The following RBFOX1 variants were observed in gnomAD, a reference collection of about 807,000 sequenced individuals.
The protein encoded by RBFOX1 is RNA binding fox-1 homolog 1, also known as RNA binding protein fox-1 homolog 1.
A neutral mutation model predicts 57.7 loss-of-function variants in RBFOX1; 8 were observed. The observed-to-expected ratio is 0.14, with a 90% CI of 0.08 to 0.25. The LOEUF (loss-of-function observed/expected upper bound fraction) is 0.25. RBFOX1 is among the 10% of genes least tolerant of loss of function. RBFOX1 has a pLI of 1.00. For missense variants in RBFOX1, 611 were observed against 548.5 expected, an observed-to-expected ratio of 1.11 and a Z score of -1.14; for synonymous variants, 326 against 222.4, an observed-to-expected ratio of 1.47 and a Z score of -4.15.
rs57991456 is a variant in RBFOX1, at chr16:5,827,019, C to T, written c.319-40284C>T. On this transcript the variant is annotated intron_variant, in intron 3 of 19. Transcript: ENST00000641259. The stretch of plus-strand genomic sequence containing the variant: ...CACCATCTCCCAGAGAAGCCTATCT[C>T]TTCGTTGGAGCATCCTTGACTCTAC... 3.0e-3 allele frequency among the ~76,000 whole-genome samples: 452 copies of T among 152,288 alleles called. 3 individuals are homozygous for T. Among genetic ancestry groups the T allele is most frequent in the African/African-American group, 0.01 (429 of 41,558 alleles).
At chr16:5,446,211 T>G (rs2068234768) in intron 1 of RBFOX1, among the ~76,000 whole-genome samples, 1 of 152,096 alleles carries the variant, frequency 6.6e-6, no homozygotes, top group African/African-American at 2.4e-5. Context: ...GACACCCACA[T>G]GGAGACATTT....
chr16:6,105,483 C>T (rs2096367338), intron 1 of RBFOX1, among the ~76,000 whole-genome samples: 1 of 152,088 alleles, frequency 6.6e-6, no homozygotes, highest in Admixed American at 6.6e-5. Flanking sequence ...TTAAGACTGG[C>T]ATTCTAGAAA....
intron 3 of RBFOX1, among the ~76,000 whole-genome samples, chr16:5,765,318 A>C (rs7199938): frequency 0.052 from 7,919 of 152,304 alleles, 611 homozygotes; most frequent in African/African-American, 0.17. Context: ...TAAAAGGTCA[A>C]GTTCAATCAA....
At chr16:7,393,698 C>G (rs996172206) in intron 4 of RBFOX1, among the ~76,000 whole-genome samples, 1 of 152,148 alleles carries the variant, frequency 6.6e-6, no homozygotes, top group Non-Finnish European at 1.5e-5. Context: ...TTCACTGAGT[C>G]TTATCCCCAC....
chr16:5,928,936 G>A (rs969713460), intron 4 of RBFOX1, among the ~76,000 whole-genome samples: 1 of 151,810 alleles, frequency 6.6e-6, no homozygotes, highest in Non-Finnish European at 1.5e-5. Flanking sequence ...TCGCAATGTG[G>A]CTGCAGGGAT....
chr16:7,360,867 G>A (rs1342618207), intron 4 of RBFOX1, among the ~76,000 whole-genome samples: 1 of 152,186 alleles, frequency 6.6e-6, no homozygotes, highest in Non-Finnish European at 1.5e-5. Flanking sequence ...AGGTCACCTT[G>A]ACATCTTCGA....
chr16:5,771,202 A>C (rs2053965711), intron 3 of RBFOX1, among the ~76,000 whole-genome samples: 1 of 152,260 alleles, frequency 6.6e-6, no homozygotes, highest in African/African-American at 2.4e-5. Flanking sequence ...CCATAGGCAG[A>C]TAGCATTTGT....
At chr16:7,701,986 G>C (rs1316591652) in intron 14 of RBFOX1, among the ~76,000 whole-genome samples, 1 of 152,182 alleles carries the variant, frequency 6.6e-6, no homozygotes, top group East Asian at 1.9e-4. Context: ...GTAGGGCAGA[G>C]GTGGGGTGGT....
chr16:5,569,438 C>CTTTTTT (rs796279138), intron 2 of RBFOX1, among the ~76,000 whole-genome samples: 753 of 48,930 alleles, frequency 0.015, 40 homozygotes, highest in Middle Eastern at 0.11. Flanking sequence ...AAGAAGTAAC[C>CTTTTTT]TTTTTTTTTT....
chr16:6,871,448 A>C lies in RBFOX1; in HGVS notation c.-15-180609A>C, dbSNP rs553755972. ...TGATCTGCTCACCTCAGCCTCCCAA[A>C]TTGCTGGGATTACAGGTGTGAGCCA... On this transcript the variant is annotated intron_variant, in intron 3 of 15. Transcript: ENST00000550418. 3.3e-5 allele frequency among the ~76,000 whole-genome samples: 5 copies of C among 152,180 alleles called. No individual in the cohort carries two copies. In the South Asian group the frequency reaches 1.0e-3, roughly 32 times the overall value.
intron 1 of RBFOX1, among the ~76,000 whole-genome samples, chr16:6,166,915 A>G (rs970881380): frequency 2.0e-5 from 3 of 151,976 alleles, no homozygotes; most frequent in Non-Finnish European, 2.9e-5. Context: ...CTGGGACTAC[A>G]GGCCTGTACC....
chr16:7,587,131 G>T (rs912005289), intron 6 of RBFOX1, 116 bp from the exon 7 acceptor site: 2 of 1,214,754 alleles, frequency 1.6e-6, no homozygotes, highest in African/African-American at 3.1e-5. Context: ...AACATAAAAT[G>T]TGTATCCTTG....
intron 3 of RBFOX1, among the ~76,000 whole-genome samples, chr16:6,895,303 T>C (rs28565323): frequency 5.9e-5 from 9 of 151,434 alleles, no homozygotes; most frequent in East Asian, 1.9e-4. Context: ...CTAAAAAATA[T>C]ATAAAACTGG....
intron 4 of RBFOX1, among the ~76,000 whole-genome samples, chr16:7,146,220 G>T (rs1296670341): frequency 1.7e-4 from 11 of 65,044 alleles, no homozygotes; most frequent in Non-Finnish European, 2.4e-4. Flanking sequence ...ATGATACTGG[G>T]CCTCACAATC....
At chr16:5,322,669 C>G (rs1453416966) in intron 1 of RBFOX1, among the ~76,000 whole-genome samples, 2 of 152,152 alleles carry the variant, frequency 1.3e-5, no homozygotes, top group East Asian at 3.9e-4. Flanking sequence ...CAGCTCAAAT[C>G]CCGTGGTTCC....
intron 2 of RBFOX1, among the ~76,000 whole-genome samples, chr16:6,367,542 T>C (rs2089830001): frequency 1.3e-5 from 2 of 152,136 alleles, no homozygotes; most frequent in African/African-American, 4.8e-5. Flanking sequence ...AGTGCTGGGA[T>C]TACAGGCGTG....
intron 1 of RBFOX1, among the ~76,000 whole-genome samples, chr16:5,389,723 A>G (rs1340812517): frequency 6.6e-6 from 1 of 151,214 alleles, no homozygotes; most frequent in African/African-American, 2.4e-5. Context: ...TTTAAGATGG[A>G]GTCTCTCACT....
At chr16:6,321,725 T>C (rs1473159404) in intron 2 of RBFOX1, among the ~76,000 whole-genome samples, 1 of 152,210 alleles carries the variant, frequency 6.6e-6, no homozygotes, top group Non-Finnish European at 1.5e-5. Context: ...GATAAATGCA[T>C]CCACCTTTTG....
At chr16:6,672,276 A>G (rs184944427) in intron 3 of RBFOX1, among the ~76,000 whole-genome samples, 11 of 152,288 alleles carry the variant, frequency 7.2e-5, no homozygotes, top group Admixed American at 6.5e-4. Context: ...AGAAATATAC[A>G]TCCAATATAA....
Sources: allele counts gnomAD v4.1 joint callset (sites outside exome capture counted in the v4.1 genomes callset), GRCh38; gene constraint gnomAD v4.1.1; transcripts MANE v1.5; gene names NCBI Gene and HGNC (gene_info 2026-07-23, HGNC 2026-07-21).